GUCY1A2: variants seen among roughly 807,000 people sequenced by gnomAD.
GUCY1A2 encodes the protein guanylate cyclase soluble subunit alpha-2.
Under a neutral mutation model 63.5 loss-of-function variants are expected in GUCY1A2, and 27 were observed. The ratio of observed to expected loss-of-function variants is 0.43; its 90% CI spans 0.31 to 0.59. The LOEUF (loss-of-function observed/expected upper bound fraction) is 0.59, where lower values mean the gene tolerates loss of function less well. GUCY1A2 is among the 20% of genes least tolerant of loss of function. The pLI is 0.11. For missense variants in GUCY1A2, 768 were observed against 913.3 expected, an observed-to-expected ratio of 0.84 and a Z score of 2.05; for synonymous variants, 364 against 343.5, an observed-to-expected ratio of 1.06 and a Z score of -0.66.
rs1862527781 is a variant in GUCY1A2 at position 106,686,450 on chromosome 11, A to G, written c.*1099T>C. The stretch of plus-strand genomic sequence containing the variant: ...TGCTTTGTGTTGTACAAGAAGAAAC[A>G]ACATTCTTGGCAAACTGTCCTGACA... On this transcript the variant is annotated 3_prime_UTR_variant, in exon 8 of 8. Transcript: ENST00000526355. 4.6e-6 allele frequency: 1 copy of G among 218,170 alleles called. No individual in the cohort carries two copies. The highest frequency in any genetic ancestry group is 9.2e-6 in the Non-Finnish European group (1 of 108,600). The allele number at this position is 218,170 out of a possible 1,614,324, so 13.5% of individuals were successfully genotyped here. A position where few individuals can be genotyped will look rare whatever the true frequency, so the allele number is the denominator to read the frequency against.
chr11:106,844,734 T>G (rs374802095), intron 4 of GUCY1A2, among the ~76,000 whole-genome samples: 1 of 151,790 alleles, frequency 6.6e-6, no homozygotes, highest in East Asian at 1.9e-4. Flanking sequence ...CAATAAATCC[T>G]GTTTTGTTTA....
intron 1 of GUCY1A2, among the ~76,000 whole-genome samples, chr11:107,006,597 C>T (rs1246205340): frequency 2.0e-5 from 3 of 152,176 alleles, no homozygotes; most frequent in Non-Finnish European, 4.4e-5. Context: ...CTAAGAGACT[C>T]CCTGGTGGAA....
intron 4 of GUCY1A2, among the ~76,000 whole-genome samples, chr11:106,860,903 C>T (rs1859502364): frequency 6.6e-6 from 1 of 151,996 alleles, no homozygotes; most frequent in South Asian, 2.1e-4. Context: ...TTCAGCTTGA[C>T]TCCAGTCCAA....
intron 7 of GUCY1A2, among the ~76,000 whole-genome samples, chr11:106,698,138 T>TTTTTTTTTTTTTTTTTTTTA (rs1555020237): frequency 1.4e-5 from 2 of 145,758 alleles, no homozygotes; most frequent in Non-Finnish European, 3.0e-5. Flanking sequence ...TTTTTTTTTT[T>TTTTTTTTTTTTTTTTTTTTA]AGACAGGGTC....
At chr11:106,697,840 T>C (rs1862746118) in intron 7 of GUCY1A2, among the ~76,000 whole-genome samples, 1 of 152,146 alleles carries the variant, frequency 6.6e-6, no homozygotes, top group Non-Finnish European at 1.5e-5. Flanking sequence ...CAATTATTTC[T>C]TTAAAGTTTT....
intron 4 of GUCY1A2, among the ~76,000 whole-genome samples, chr11:106,811,526 T>A (rs2135424875): frequency 6.6e-6 from 1 of 152,248 alleles, no homozygotes; most frequent in Non-Finnish European, 1.5e-5. Context: ...ATTTTCCTGT[T>A]TTCTTTATAG....
chr11:106,868,770 T>C (rs1565315103), intron 4 of GUCY1A2, among the ~76,000 whole-genome samples: 1 of 152,120 alleles, frequency 6.6e-6, no homozygotes, highest in Non-Finnish European at 1.5e-5. Flanking sequence ...AAAGTTCATA[T>C]GGAACCAAAA....
chr11:106,746,594 A>C, intron 6 of GUCY1A2: 3 of 1,593,656 alleles, frequency 1.9e-6, no homozygotes, highest in African/African-American at 1.3e-5. Flanking sequence ...CTGATCTGGA[A>C]CCAGCTGGAT....
At chr11:106,929,271 T>C (rs916522353) in intron 4 of GUCY1A2, among the ~76,000 whole-genome samples, 1 of 152,156 alleles carries the variant, frequency 6.6e-6, no homozygotes. Context: ...TTATTCATCA[T>C]AGATCATAGA....
At chr11:106,975,849 G>C (rs1277607008) in intron 3 of GUCY1A2, among the ~76,000 whole-genome samples, 1 of 152,066 alleles carries the variant, frequency 6.6e-6, no homozygotes, top group Admixed American at 6.6e-5. Context: ...AGGCATAACA[G>C]GTCTTCTCCA....
At chr11:106,911,268 G>C (rs60390170) in intron 4 of GUCY1A2, among the ~76,000 whole-genome samples, 1 of 151,932 alleles carries the variant, frequency 6.6e-6, no homozygotes, top group Non-Finnish European at 1.5e-5. Flanking sequence ...AAGACTACTA[G>C]AAAACTGAGC....
intron 5 of GUCY1A2, among the ~76,000 whole-genome samples, chr11:106,805,528 G>A (rs975757498): frequency 2.0e-5 from 3 of 152,146 alleles, no homozygotes; most frequent in Admixed American, 2.0e-4. Context: ...TTACAGGCGT[G>A]AGCCACCGTG....
intron 4 of GUCY1A2, among the ~76,000 whole-genome samples, chr11:106,850,442 C>G (rs1344926679): frequency 6.6e-6 from 1 of 151,748 alleles, no homozygotes; most frequent in Non-Finnish European, 1.5e-5. Flanking sequence ...AACACCAGAA[C>G]CCATTCCACC....
chr11:106,813,280 G>A (rs932404352), intron 4 of GUCY1A2, among the ~76,000 whole-genome samples: 1 of 151,914 alleles, frequency 6.6e-6, no homozygotes. Context: ...ATTTTGCTCT[G>A]AGCTATAGTA....
intron 5 of GUCY1A2, among the ~76,000 whole-genome samples, chr11:106,779,445 T>C (rs1308192927): frequency 6.6e-6 from 1 of 152,238 alleles, no homozygotes; most frequent in African/African-American, 2.4e-5. Context: ...CATATTTGTA[T>C]ACACTTTGAA....
At chr11:106,925,897 T>C (rs958295765) in intron 4 of GUCY1A2, among the ~76,000 whole-genome samples, 21 of 152,194 alleles carry the variant, frequency 1.4e-4, no homozygotes, top group African/African-American at 5.1e-4. Flanking sequence ...AAAATAAATG[T>C]AGAATTTTGA....
intron 6 of GUCY1A2, among the ~76,000 whole-genome samples, chr11:106,772,078 G>A (rs1408810421): frequency 1.3e-5 from 2 of 151,700 alleles, no homozygotes; most frequent in South Asian, 2.1e-4. Context: ...TACATTCTCT[G>A]GTTATTTTCA....
intron 4 of GUCY1A2, among the ~76,000 whole-genome samples, chr11:106,848,243 G>C (rs866462610): frequency 6.6e-6 from 1 of 151,492 alleles, no homozygotes; most frequent in Non-Finnish European, 1.5e-5. Flanking sequence ...ATATAAATAG[G>C]TCAAAAGCCA....
rs1862531627 is a variant in GUCY1A2 at position 106,686,678 on chromosome 11, T to C, written c.*871A>G. ...GAAAAGGATCCAGTGTAGCAAAGCA[T>C]TTCATTTTAACTGATATTTGTTAGA... On this transcript the variant is annotated 3_prime_UTR_variant, in exon 8 of 8. Coordinates refer to ENST00000526355, the MANE Select transcript of GUCY1A2 (RefSeq NM_000855.3). The C allele has an allele frequency of 4.7e-6, 1 of 213,162 alleles. No homozygotes were observed. The highest frequency in any genetic ancestry group is 2.3e-5 in the African/African-American group (1 of 44,182). 13.2% of individuals were successfully genotyped at this position (213,162 alleles called of 1,614,324 possible).
Sources: gnomAD v4.1 joint callset for allele counts (sites outside exome capture counted in the v4.1 genomes callset) on GRCh38, gnomAD v4.1.1 for gene constraint, MANE v1.5 for transcripts, NCBI Gene and HGNC (gene_info 2026-07-23, HGNC 2026-07-21) for gene names.